The following RAMP1 variants were observed in gnomAD, a reference collection of about 807,000 sequenced individuals.
The protein encoded by RAMP1 is receptor activity-modifying protein 1.
RAMP1 carries 7 observed loss-of-function variants against 8.2 expected under a neutral mutation model. The observed-to-expected ratio is 0.85, with a 90% CI of 0.49 to 1.60. The LOEUF is 1.60. Ranked by LOEUF, RAMP1 falls within the 40% of genes most tolerant of loss-of-function variation. The probability of loss-of-function intolerance (pLI) is 0.00; values close to 1 mark genes in which losing one functional copy is unlikely to be tolerated. For missense variants in RAMP1, 192 were observed against 202.4 expected, an observed-to-expected ratio of 0.95 and a Z score of 0.31; for synonymous variants, 92 against 84.7, an observed-to-expected ratio of 1.09 and a Z score of -0.47.
At chr2:237,896,849 G>A (rs749309331) in intron 2 of RAMP1, among the ~76,000 whole-genome samples, 1 of 151,798 alleles carries the variant, frequency 6.6e-6, no homozygotes, top group Non-Finnish European at 1.5e-5. Context: ...GAGTCTCTCT[G>A]TGTTGCCCAG....
chr2:237,871,499 G>A (rs748984869), intron 1 of RAMP1, among the ~76,000 whole-genome samples: 2 of 152,176 alleles, frequency 1.3e-5, no homozygotes, highest in Non-Finnish European at 2.9e-5. Flanking sequence ...GGGACAGATC[G>A]TGGCAACTGA....
intron 1 of RAMP1, among the ~76,000 whole-genome samples, chr2:237,860,591 G>GT (rs1322058718): frequency 2.0e-5 from 3 of 152,224 alleles, no homozygotes; most frequent in Non-Finnish European, 4.4e-5. Context: ...ATTATTCCGT[G>GT]TATTTAGCTA....
chr2:237,870,613 A>G (rs531744101), intron 1 of RAMP1, among the ~76,000 whole-genome samples: 3 of 152,348 alleles, frequency 2.0e-5, no homozygotes, highest in Non-Finnish European at 4.4e-5. Flanking sequence ...TATGACTTAA[A>G]AAAATGAGGA....
At position 237,859,670 on chromosome 2, in the gene RAMP1, T is replaced by A. The variant is rs1232228070; in HGVS notation, c.-6T>A. 1.8e-5 allele frequency: 27 copies of A among 1,499,764 alleles called. No individual in the cohort carries two copies. The highest frequency in any genetic ancestry group is 2.4e-5 in the Non-Finnish European group (27 of 1,125,472). 92.9% of individuals were successfully genotyped at this position (1,499,764 alleles called of 1,614,324 possible). On this transcript the variant is annotated 5_prime_UTR_variant, in exon 1 of 3. Coordinates refer to ENST00000254661, the MANE Select transcript of RAMP1 (RefSeq NM_005855.4). The stretch of plus-strand genomic sequence containing the variant: ...GAGCGGACTCGACTCGGCACCGCTG[T>A]GCACCATGGCCCGGGCCCTGTGCCG...
intron 2 of RAMP1, among the ~76,000 whole-genome samples, chr2:237,889,548 A>G (rs1367908247): frequency 6.6e-6 from 1 of 152,194 alleles, no homozygotes; most frequent in Non-Finnish European, 1.5e-5. Flanking sequence ...TTAAATTACC[A>G]CAACTTTACA....
chr2:237,904,423 A>C (rs764911208), intron 2 of RAMP1, among the ~76,000 whole-genome samples: 1 of 151,978 alleles, frequency 6.6e-6, no homozygotes, highest in Non-Finnish European at 1.5e-5. Flanking sequence ...TGTCTCAAAA[A>C]TAGAATAAAA....
intron 2 of RAMP1, among the ~76,000 whole-genome samples, chr2:237,904,872 G>A (rs1400267879): frequency 6.6e-6 from 1 of 152,186 alleles, no homozygotes; most frequent in Non-Finnish European, 1.5e-5. Flanking sequence ...AGGTCTATGG[G>A]TGACAGGGCC....
At chr2:237,880,855 A>G (rs1490138357) in intron 2 of RAMP1, among the ~76,000 whole-genome samples, 1 of 152,170 alleles carries the variant, frequency 6.6e-6, no homozygotes, top group Non-Finnish European at 1.5e-5. Context: ...AGTGACCCCT[A>G]GACTAGTGTT....
intron 2 of RAMP1, among the ~76,000 whole-genome samples, chr2:237,886,130 T>C (rs1043762040): frequency 3.9e-5 from 6 of 152,074 alleles, no homozygotes; most frequent in African/African-American, 1.4e-4. Flanking sequence ...CGGGTCCCCA[T>C]GGGGACGAGC....
intron 2 of RAMP1, among the ~76,000 whole-genome samples, chr2:237,885,918 C>T (rs1000951338): frequency 1.3e-5 from 2 of 152,226 alleles, no homozygotes; most frequent in African/African-American, 4.8e-5. Context: ...TGGCCAGCCC[C>T]GCGGGAGGCA....
In RAMP1 at chr2:237,877,419, CGGA is replaced by C; in HGVS notation, c.191+65_191+67del. 6.4e-7 allele frequency: 1 copy of C among 1,572,702 alleles called. No individual in the cohort carries two copies. Among genetic ancestry groups the C allele is most frequent in the Non-Finnish European group, 8.6e-7 (1 of 1,159,570 alleles). ...CGGTTGGGGAGGGAGAGGGGGCAAG[CGGA>C]GGAGGAGTGGACCACGTGGGAGCTG... On this transcript the variant is annotated intron_variant, in intron 2 of 2. Coordinates refer to ENST00000254661, the MANE Select transcript of RAMP1 (RefSeq NM_005855.4). This position sits in a 1 kb window ranked among gnomAD's most constrained non-coding sequence, Gnocchi z 4.4.
Position 237,911,693 on chromosome 2 carries a change from C to T in RAMP1, c.357C>T (p.Leu119=), listed in dbSNP as rs375538023. 8.7e-6 allele frequency: 14 copies of T among 1,614,010 alleles called. No individual in the cohort carries two copies. The highest frequency in any genetic ancestry group is 1.7e-5 in the Admixed American group (1 of 60,030). The change falls in exon 3 of 3, where the codon CTC becomes CTT. Residue 119 remains leucine, a synonymous_variant. Coordinates refer to ENST00000254661, the MANE Select transcript of RAMP1 (RefSeq NM_005855.4). ...RAVRDPPGSI[L]YPFIVVPITV... Reference sequence around the variant, plus strand: ...TGCGGGACCCGCCCGGCAGCATCCTCTACCCCTTCATCGTGGTCCCCATCA... The same window carrying T: ...TGCGGGACCCGCCCGGCAGCATCCTTTACCCCTTCATCGTGGTCCCCATCA...
rs764150195 is a variant in RAMP1, at chr2:237,863,678, T to C, written c.52+3951T>C. Among the ~76,000 whole-genome samples the C allele has an allele frequency of 8.8e-4, 134 of 152,150 alleles. 1 individual carries two copies. The highest frequency in any genetic ancestry group is 1.5e-3 in the Non-Finnish European group (99 of 67,976). Reference sequence around the variant, plus strand: ...AATCACGGCTTCTGGGTGGCTTTGTTGGAGCAGGGTCCAGGGGGACACACT... The same window carrying C: ...AATCACGGCTTCTGGGTGGCTTTGTCGGAGCAGGGTCCAGGGGGACACACT... On this transcript the variant is annotated intron_variant, in intron 1 of 2. Transcript: ENST00000254661.
chr2:237,912,091 A>C lies in RAMP1; in HGVS notation c.*308A>C. ...TTGTGGATGAGTGGTTTGTGATTAAAAGGGATGTTCTTGAACTTGGAAAGA... is the reference window on the plus strand; with the variant it reads ...TTGTGGATGAGTGGTTTGTGATTAACAGGGATGTTCTTGAACTTGGAAAGA... On this transcript the variant is annotated 3_prime_UTR_variant, in exon 3 of 3. Transcript: ENST00000254661. 2.5e-6 allele frequency: 1 copy of C among 397,000 alleles called. No homozygotes were observed. Among genetic ancestry groups the C allele is most frequent in the Non-Finnish European group, 4.6e-6 (1 of 217,922 alleles). The allele number at this position is 397,000 out of a possible 1,614,324, so 24.6% of individuals were successfully genotyped here. A position where few individuals can be genotyped will look rare whatever the true frequency, so the allele number is the denominator to read the frequency against.
chr2:237,882,378 C>T (rs989453878), intron 2 of RAMP1, among the ~76,000 whole-genome samples: 2 of 152,338 alleles, frequency 1.3e-5, no homozygotes, highest in East Asian at 1.9e-4. Context: ...CGTTTATTAC[C>T]GCGTGCTGGG....
chr2:237,888,521 G>C (rs529440594), intron 2 of RAMP1, among the ~76,000 whole-genome samples: 1 of 152,272 alleles, frequency 6.6e-6, no homozygotes, highest in Non-Finnish European at 1.5e-5. Flanking sequence ...TGTAGTTTTA[G>C]TTTGCATGTC....
rs373098611 is a variant in RAMP1, at chr2:237,877,190, G to A, written c.53-34G>A. On this transcript the variant is annotated intron_variant, in intron 1 of 2. Coordinates refer to ENST00000254661, the MANE Select transcript of RAMP1 (RefSeq NM_005855.4). This position sits in a 1 kb window ranked among gnomAD's most constrained non-coding sequence, Gnocchi z 4.4. ...GTGATACCCCTAGGCCTCTGCTGCC[G>A]CCCGCCATCTCTTCATGGCCGTGTC... The A allele has an allele frequency of 2.5e-5, 41 of 1,612,194 alleles. No individual in the cohort carries two copies. The highest frequency in any genetic ancestry group is 7.7e-5 in the South Asian group (7 of 91,068).
At chr2:237,902,984 T>C (rs1010104522) in intron 2 of RAMP1, among the ~76,000 whole-genome samples, 1 of 152,198 alleles carries the variant, frequency 6.6e-6, no homozygotes, top group African/African-American at 2.4e-5. Context: ...CCAGGCTGTT[T>C]ATGGCACCTG....
chr2:237,890,147 C>T (rs1024488107), intron 2 of RAMP1, among the ~76,000 whole-genome samples: 2 of 152,030 alleles, frequency 1.3e-5, no homozygotes, highest in African/African-American at 2.4e-5. Flanking sequence ...GTTAGGACCA[C>T]GTTTGCCTAA....
Sources: gnomAD v4.1 joint callset for allele counts (sites outside exome capture counted in the v4.1 genomes callset) on GRCh38, gnomAD v4.1.1 for gene constraint, Gnocchi (gnomAD v3.1) non-coding constraint, MANE v1.5 for transcripts, NCBI Gene and HGNC (gene_info 2026-07-23, HGNC 2026-07-21) for gene names.